SUPT3H: variants seen among roughly 807,000 people sequenced by gnomAD.
SUPT3H encodes transcription initiation protein SPT3 homolog.
In SUPT3H, 44 loss-of-function variants were observed where a neutral mutation model predicts 44.3. The observed-to-expected ratio is 0.99, with a 90% CI of 0.78 to 1.28. The LOEUF is 1.28. Among genes scored for constraint, SUPT3H ranks in the 50% most tolerant of loss-of-function variants. The probability of loss-of-function intolerance (pLI) is 0.00; values close to 1 mark genes in which losing one functional copy is unlikely to be tolerated. For missense variants in SUPT3H, 380 were observed against 387.1 expected, an observed-to-expected ratio of 0.98 and a Z score of 0.15; for synonymous variants, 124 against 125.6, an observed-to-expected ratio of 0.99 and a Z score of 0.09.
chr6:45,138,605 CTG>C (rs140485778), intron 2 of SUPT3H, among the ~76,000 whole-genome samples: 6 of 151,524 alleles, frequency 4.0e-5, no homozygotes, highest in Middle Eastern at 3.4e-3. Flanking sequence ...GGAAAATACT[CTG>C]TGTGTGTGTG....
At chr6:44,958,945 G>A (rs961834891) in intron 7 of SUPT3H, among the ~76,000 whole-genome samples, 3 of 133,408 alleles carry the variant, frequency 2.2e-5, no homozygotes, top group African/African-American at 8.5e-5. Flanking sequence ...GCGCGATCTC[G>A]GCTCACTGCA....
At chr6:45,320,220 C>T (rs1268622708) in intron 2 of SUPT3H, among the ~76,000 whole-genome samples, 1 of 151,982 alleles carries the variant, frequency 6.6e-6, no homozygotes, top group Non-Finnish European at 1.5e-5. Context: ...GTCATTCTTG[C>T]CTGTTCTATA....
intron 9 of SUPT3H, among the ~76,000 whole-genome samples, chr6:44,952,138 T>C (rs1356866235): frequency 1.3e-5 from 2 of 152,152 alleles, no homozygotes; most frequent in African/African-American, 4.8e-5. Flanking sequence ...TAAGAAAATG[T>C]TGAATTGTCC....
chr6:44,971,858 C>T lies in SUPT3H; in HGVS notation c.505-10030G>A, dbSNP rs571503010. ...TGCAATCTCGGCTCACTGCAAGCTC[C>T]GCCTCCTGGGTTCATGCCATTCTCC... On this transcript the variant is annotated intron_variant, in intron 6 of 10. Transcript: ENST00000371459. Among the ~76,000 whole-genome samples, 157 of 152,126 alleles carry T rather than the reference C, an allele frequency of 1.0e-3. 1 individual carries two copies. The highest frequency in any genetic ancestry group is 1.9e-3 in the Non-Finnish European group (130 of 68,006).
chr6:45,205,138 C>G (rs1467425725), intron 2 of SUPT3H, among the ~76,000 whole-genome samples: 2 of 152,136 alleles, frequency 1.3e-5, no homozygotes, highest in Non-Finnish European at 2.9e-5. Context: ...ATAACCTGCC[C>G]AAACTAGCTA....
chr6:45,058,676 C>A (rs79124438), intron 3 of SUPT3H, among the ~76,000 whole-genome samples: 2,745 of 152,202 alleles, frequency 0.018, 96 homozygotes, highest in African/African-American at 0.063. Context: ...CACTGCACTA[C>A]AGTATAACTT....
At chr6:45,170,975 A>T (rs1426443195) in intron 2 of SUPT3H, among the ~76,000 whole-genome samples, 1 of 152,200 alleles carries the variant, frequency 6.6e-6, no homozygotes, top group African/African-American at 2.4e-5. Context: ...AGCCAAACAA[A>T]CGTCTTAGTG....
At chr6:45,339,023 T>C (rs1581702023) in intron 2 of SUPT3H, among the ~76,000 whole-genome samples, 1 of 152,022 alleles carries the variant, frequency 6.6e-6, no homozygotes, top group South Asian at 2.1e-4. Flanking sequence ...AATAAGGTAA[T>C]ATAAGAAGAA....
At chr6:45,181,487 C>G (rs957591639) in intron 2 of SUPT3H, among the ~76,000 whole-genome samples, 4 of 151,846 alleles carry the variant, frequency 2.6e-5, no homozygotes, top group African/African-American at 9.7e-5. Context: ...CAATGATAGA[C>G]TGGATTAAGA....
chr6:45,309,750 G>A (rs1017513629), intron 2 of SUPT3H, among the ~76,000 whole-genome samples: 14 of 151,536 alleles, frequency 9.2e-5, no homozygotes, highest in Admixed American at 5.9e-4. Flanking sequence ...ACCAACAAGA[G>A]AAAAGAAAGA....
At chr6:45,359,733 A>G (rs1793907734) in intron 2 of SUPT3H, among the ~76,000 whole-genome samples, 1 of 152,208 alleles carries the variant, frequency 6.6e-6, no homozygotes, top group Admixed American at 6.5e-5. Context: ...GGAAACTGCA[A>G]CAAATGCTAT....
intron 3 of SUPT3H, among the ~76,000 whole-genome samples, chr6:45,037,456 G>C (rs1298098666): frequency 6.6e-6 from 1 of 151,118 alleles, no homozygotes; most frequent in Non-Finnish European, 1.5e-5. Context: ...AGACCAGCCT[G>C]GCCGATATGG....
At chr6:44,971,227 A>G (rs530185091) in intron 6 of SUPT3H, among the ~76,000 whole-genome samples, 3 of 152,170 alleles carry the variant, frequency 2.0e-5, no homozygotes, top group East Asian at 1.9e-4. Flanking sequence ...AAATACAACT[A>G]AAATAAACCA....
At chr6:45,182,679 C>T (rs1813497102) in intron 2 of SUPT3H, among the ~76,000 whole-genome samples, 1 of 152,144 alleles carries the variant, frequency 6.6e-6, no homozygotes, top group African/African-American at 2.4e-5. Context: ...AATATGAAGT[C>T]TCTTATCTAC....
chr6:45,129,984 G>C (rs1489418339), intron 2 of SUPT3H, among the ~76,000 whole-genome samples: 2 of 152,182 alleles, frequency 1.3e-5, no homozygotes, highest in East Asian at 3.8e-4. Context: ...ACAGCTAAGT[G>C]ATCAAAATAT....
At chr6:44,921,878 G>C (rs947512692) in intron 10 of SUPT3H, among the ~76,000 whole-genome samples, 16 of 152,298 alleles carry the variant, frequency 1.1e-4, no homozygotes, top group South Asian at 4.1e-4. Flanking sequence ...ATTTCCACCA[G>C]AGAGGCACAG....
chr6:44,946,913 G>T (rs1562107584), intron 9 of SUPT3H, among the ~76,000 whole-genome samples: 1 of 152,124 alleles, frequency 6.6e-6, no homozygotes, highest in Admixed American at 6.6e-5. Context: ...GAAAGGAAGA[G>T]TCAATCAATG....
intron 7 of SUPT3H, among the ~76,000 whole-genome samples, 142 bp downstream of exon 7, chr6:44,961,595 ATAGGCTCCCCACAATG>A (rs1397527806): frequency 6.6e-6 from 1 of 152,174 alleles, no homozygotes; most frequent in Non-Finnish European, 1.5e-5. Context: ...AAAATCATTT[ATAGGCTCCCCACAATG>A]TAGACGTTGT....
chr6:45,215,703 G>A (rs967525770), intron 2 of SUPT3H, among the ~76,000 whole-genome samples: 13 of 152,086 alleles, frequency 8.5e-5, no homozygotes, highest in Admixed American at 7.2e-4. Flanking sequence ...AAATTATTAA[G>A]CAAACCACAG....
Sources: gnomAD v4.1 joint callset for allele counts (sites outside exome capture counted in the v4.1 genomes callset) on GRCh38, gnomAD v4.1.1 for gene constraint, MANE v1.5 for transcripts, NCBI Gene and HGNC (gene_info 2026-07-23, HGNC 2026-07-21) for gene names.